The following ETV6 variants were observed in gnomAD, a reference collection of about 807,000 sequenced individuals.
The protein encoded by ETV6 is transcription factor ETV6.
In ETV6, 16 loss-of-function variants were observed where a neutral mutation model predicts 51.1. The observed-to-expected ratio is 0.31, with a 90% CI of 0.21 to 0.48. The LOEUF is 0.48. Among genes scored for constraint, ETV6 ranks in the 20% least tolerant of loss-of-function variants. The probability of loss-of-function intolerance (pLI) is 0.99; values close to 1 mark genes in which losing one functional copy is unlikely to be tolerated. For synonymous variants in ETV6, 240 were observed against 224.1 expected (o/e 1.07, Z -0.64); for missense variants, 458 against 594.8 (o/e 0.77, Z 2.39).
intron 1 of ETV6, among the ~76,000 whole-genome samples, chr12:11,693,394 T>C (rs1400529618): frequency 6.6e-6 from 1 of 152,208 alleles, no homozygotes; most frequent in African/African-American, 2.4e-5. Flanking sequence ...CACTTACTCC[T>C]AACCTGTCTC....
rs1947275184 is a variant in ETV6, at chr12:11,890,824, G to A, written c.1254-117G>A. On this transcript the variant is annotated intron_variant, in intron 7 of 7. Transcript: ENST00000396373. The stretch of plus-strand genomic sequence containing the variant: ...AAGTTAACATTAATCTCGGGGTTCA[G>A]TAGCTCTCCAGCTGTATAAGATGAT... 2.8e-5 allele frequency: 22 copies of A among 798,940 alleles called. No homozygotes were observed. In the South Asian group the frequency reaches 3.2e-4, roughly 12 times the overall value. 49.5% of individuals were successfully genotyped at this position (798,940 alleles called of 1,614,324 possible).
Position 11,715,318 on chromosome 12 carries a change from A to G in ETV6, c.34-37132A>G, listed in dbSNP as rs1263649202. On this transcript the variant is annotated intron_variant, in intron 1 of 7. Transcript: ENST00000396373. ...TTATTTTGACTGCTTTATTTTGAAG[A>G]TGAAGAGAAGGAGGCCAAGGTATGA... Among the ~76,000 whole-genome samples the G allele has an allele frequency of 3.3e-5, 5 of 152,152 alleles. No individual in the cohort carries two copies. The East Asian group carries it at 5.8e-4, about 18-fold the overall frequency.
chr12:11,863,769 C>G (rs964805716), intron 4 of ETV6, among the ~76,000 whole-genome samples: 7 of 152,214 alleles, frequency 4.6e-5, no homozygotes, highest in African/African-American at 1.7e-4. Flanking sequence ...GTTTCCATGC[C>G]CTGCTGCCAA....
chr12:11,848,616 G>C (rs542306887), intron 3 of ETV6, among the ~76,000 whole-genome samples: 2 of 152,368 alleles, frequency 1.3e-5, no homozygotes, highest in East Asian at 3.9e-4. Flanking sequence ...GTGTGCGTGT[G>C]TGTGCGCACG....
At chr12:11,764,431 C>T (rs1237646573) in intron 2 of ETV6, among the ~76,000 whole-genome samples, 1 of 152,166 alleles carries the variant, frequency 6.6e-6, no homozygotes, top group Non-Finnish European at 1.5e-5. Flanking sequence ...CAGTCTTGGC[C>T]AAAGAAGGTC....
intron 1 of ETV6, among the ~76,000 whole-genome samples, chr12:11,714,307 C>T (rs2120895739): frequency 6.6e-6 from 1 of 152,328 alleles, no homozygotes; most frequent in South Asian, 2.1e-4. Flanking sequence ...CTCTCTCTTG[C>T]TCTTTGCTCC....
chr12:11,677,752 T>C (rs1864448468), intron 1 of ETV6, among the ~76,000 whole-genome samples: 1 of 152,242 alleles, frequency 6.6e-6, no homozygotes, highest in African/African-American at 2.4e-5. Flanking sequence ...CTGGACCTCT[T>C]TAAACTTCCC....
chr12:11,755,092 A>C (rs1944988208), intron 2 of ETV6, among the ~76,000 whole-genome samples: 1 of 152,160 alleles, frequency 6.6e-6, no homozygotes, highest in South Asian at 2.1e-4. Context: ...TATTGGATGG[A>C]TGGATGGATG....
chr12:11,861,435 C>T (rs1021821971), intron 4 of ETV6, among the ~76,000 whole-genome samples: 5 of 152,146 alleles, frequency 3.3e-5, no homozygotes, highest in African/African-American at 4.8e-5. Context: ...TGTTTTGTGA[C>T]GGAGTGTAGG....
At chr12:11,812,151 TTTA>T (rs1413852852) in intron 2 of ETV6, among the ~76,000 whole-genome samples, 1 of 152,224 alleles carries the variant, frequency 6.6e-6, no homozygotes, top group Non-Finnish European at 1.5e-5. Context: ...CAGAATGCTT[TTTA>T]TTATGTTTCT....
Position 11,706,298 on chromosome 12 carries a change from G to A in ETV6, c.34-46152G>A, listed in dbSNP as rs140114729. On this transcript the variant is annotated intron_variant, in intron 1 of 7. Transcript: ENST00000396373. ...GCAGGATGGCAGTCTTACTGTCCTT[G>A]TACACATGGAGAAATAGATGCACAG... Among the ~76,000 whole-genome samples the A allele has an allele frequency of 5.3e-5, 8 of 152,328 alleles. No individual in the cohort carries two copies. In the East Asian group the frequency reaches 1.5e-3, roughly 29 times the overall value.
intron 2 of ETV6, among the ~76,000 whole-genome samples, chr12:11,777,212 C>G (rs1056902961): frequency 1.2e-4 from 17 of 138,252 alleles, no homozygotes; most frequent in African/African-American, 4.5e-4. Context: ...TGCACTCCAG[C>G]CTGGGTGACA....
At chr12:11,804,061 G>GT (rs1262457288) in intron 2 of ETV6, among the ~76,000 whole-genome samples, 6 of 152,074 alleles carry the variant, frequency 3.9e-5, no homozygotes, top group African/African-American at 1.4e-4. Context: ...CAGATTTCTA[G>GT]TTTTTTCTAT....
intron 4 of ETV6, among the ~76,000 whole-genome samples, chr12:11,854,463 AG>A (rs1463128672): frequency 6.6e-6 from 1 of 152,216 alleles, no homozygotes; most frequent in Non-Finnish European, 1.5e-5. Context: ...AGAACATTCC[AG>A]GCAAAGAAAA....
chr12:11,889,064 G>A (rs994179711), intron 7 of ETV6, among the ~76,000 whole-genome samples: 2 of 151,954 alleles, frequency 1.3e-5, no homozygotes, highest in African/African-American at 4.8e-5. Context: ...AGCCTGGTGT[G>A]GAATATCAGA....
chr12:11,786,065 A>G (rs1591671892), intron 2 of ETV6, among the ~76,000 whole-genome samples: 1 of 152,278 alleles, frequency 6.6e-6, no homozygotes, highest in East Asian at 1.9e-4. Flanking sequence ...GAGGTATAAG[A>G]TGGAATCTGT....
chr12:11,650,305 T>C, intron 1 of ETV6, 145 bp downstream of exon 1: 1 of 742,128 alleles, frequency 1.3e-6, no homozygotes, highest in Non-Finnish European at 2.4e-6. Context: ...GAGATGCAGC[T>C]CGCGGTGGCT....
chr12:11,671,994 C>T, intron 1 of ETV6, among the ~76,000 whole-genome samples: 1 of 140,004 alleles, frequency 7.1e-6, no homozygotes, highest in Admixed American at 7.2e-5. Context: ...GGATCTGATC[C>T]TTTTTTTTTT....
At chr12:11,788,546 C>T (rs1945523291) in intron 2 of ETV6, among the ~76,000 whole-genome samples, 1 of 152,140 alleles carries the variant, frequency 6.6e-6, no homozygotes, top group African/African-American at 2.4e-5. Context: ...GTATTTGGTT[C>T]TTATAATTAC....
Sources: allele counts gnomAD v4.1 joint callset (sites outside exome capture counted in the v4.1 genomes callset), GRCh38; gene constraint gnomAD v4.1.1; transcripts MANE v1.5; gene names NCBI Gene and HGNC (gene_info 2026-07-23, HGNC 2026-07-21).